Variants in GRM8 observed in about 807,000 individuals in gnomAD.
The protein encoded by GRM8 is metabotropic glutamate receptor 8.
A neutral mutation model predicts 87.2 loss-of-function variants in GRM8; 47 were observed. The ratio of observed to expected loss-of-function variants is 0.54; its 90% CI spans 0.43 to 0.69. GRM8 has a LOEUF of 0.69. Among genes scored for constraint, GRM8 ranks in the 30% least tolerant of loss-of-function variants. GRM8 has a pLI of 0.00. For missense variants in GRM8, 1,019 were observed against 1,139.2 expected (o/e 0.89, Z 1.52); for synonymous variants, 396 against 404.5 (o/e 0.98, Z 0.25).
chr7:127,160,089 T>A (rs895539316), intron 2 of GRM8, among the ~76,000 whole-genome samples: 2 of 152,152 alleles, frequency 1.3e-5, no homozygotes, highest in African/African-American at 4.8e-5. Flanking sequence ...TTAAAGACTA[T>A]TAACATACAT....
chr7:126,758,806 T>C (rs1416599921), intron 7 of GRM8, among the ~76,000 whole-genome samples: 2 of 152,182 alleles, frequency 1.3e-5, no homozygotes, highest in Non-Finnish European at 2.9e-5. Flanking sequence ...TCCAAAAGAC[T>C]GGGAAAATCA....
At chr7:126,780,690 TTA>T (rs1491467744) in intron 6 of GRM8, among the ~76,000 whole-genome samples, 15 of 151,812 alleles carry the variant, frequency 9.9e-5, no homozygotes, top group African/African-American at 3.6e-4. Flanking sequence ...CCAGTGAGGC[TTA>T]GCAGGGGAAG....
At chr7:126,564,628 C>T (rs182996174) in intron 8 of GRM8, among the ~76,000 whole-genome samples, 1 of 152,178 alleles carries the variant, frequency 6.6e-6, no homozygotes, top group Non-Finnish European at 1.5e-5. Context: ...GACCAGATGG[C>T]TTAACTGCTG....
chr7:126,694,727 A>G (rs1809193573), intron 7 of GRM8, among the ~76,000 whole-genome samples: 1 of 152,238 alleles, frequency 6.6e-6, no homozygotes, highest in African/African-American at 2.4e-5. Context: ...AACTAGTTAC[A>G]TTTAATGACG....
At position 126,532,948 on chromosome 7, in the gene GRM8, T is replaced by C. The variant is rs373385097; in HGVS notation, c.2430+4A>G. On this transcript the variant is annotated splice_donor_region_variant and intron_variant, in intron 9 of 10. Transcript: ENST00000339582. Reference sequence around the variant, plus strand: ...AGTTGTCAAGTGTATTTCCTTCTACTTACCTTTTCTGCTGACTGGGCTGTA... The same window carrying C: ...AGTTGTCAAGTGTATTTCCTTCTACCTACCTTTTCTGCTGACTGGGCTGTA... 5.1e-6 allele frequency: 8 copies of C among 1,583,148 alleles called. No homozygotes were observed. Among genetic ancestry groups the C allele is most frequent in the Non-Finnish European group, 6.9e-6 (8 of 1,159,252 alleles).
At chr7:126,737,288 T>A (rs1277266925) in intron 7 of GRM8, among the ~76,000 whole-genome samples, 1 of 151,958 alleles carries the variant, frequency 6.6e-6, no homozygotes, top group Non-Finnish European at 1.5e-5. Context: ...TCTGATCTTG[T>A]GATCTCCACC....
intron 7 of GRM8, among the ~76,000 whole-genome samples, chr7:126,729,442 G>A (rs777433309): frequency 9.9e-5 from 15 of 152,134 alleles, no homozygotes; most frequent in Non-Finnish European, 1.9e-4. Flanking sequence ...AGGCCATGTC[G>A]ATTCCAGAAG....
chr7:126,715,235 G>A (rs1393209558), intron 7 of GRM8, among the ~76,000 whole-genome samples: 2 of 152,152 alleles, frequency 1.3e-5, no homozygotes, highest in Non-Finnish European at 2.9e-5. Context: ...AGATGAAATT[G>A]CTCATGTGGA....
intron 3 of GRM8, among the ~76,000 whole-genome samples, chr7:126,912,122 G>A (rs546702972): frequency 5.3e-5 from 8 of 152,186 alleles, no homozygotes; most frequent in East Asian, 1.9e-4. Flanking sequence ...GCGTGAACCC[G>A]GGAGGCGGAG....
chr7:127,080,336 C>T (rs1425713100), intron 3 of GRM8, among the ~76,000 whole-genome samples: 2 of 152,118 alleles, frequency 1.3e-5, no homozygotes, highest in Non-Finnish European at 2.9e-5. Context: ...AATTAACACA[C>T]CTTAATTACA....
intron 3 of GRM8, chr7:127,058,015 A>C (rs1009394837): frequency 9.3e-6 from 3 of 324,166 alleles, no homozygotes; most frequent in Non-Finnish European, 1.9e-5. Flanking sequence ...CTAAAATCTC[A>C]AGCTTTTAGT....
At chr7:126,801,953 T>C (rs1033725378) in intron 6 of GRM8, among the ~76,000 whole-genome samples, 1 of 152,204 alleles carries the variant, frequency 6.6e-6, no homozygotes, top group Admixed American at 6.5e-5. Flanking sequence ...CCTAATGGTT[T>C]ATTTAACTAA....
intron 8 of GRM8, among the ~76,000 whole-genome samples, chr7:126,577,222 C>T (rs972116073): frequency 1.3e-5 from 2 of 152,316 alleles, no homozygotes; most frequent in Middle Eastern, 3.4e-3. Flanking sequence ...CTCCTTCCTC[C>T]ATCCTGAATG....
chr7:126,637,052 A>T (rs1039771513), intron 7 of GRM8, among the ~76,000 whole-genome samples: 6 of 152,094 alleles, frequency 3.9e-5, no homozygotes, highest in African/African-American at 1.4e-4. Flanking sequence ...GAAAAAAATA[A>T]CACTTTATTG....
intron 3 of GRM8, among the ~76,000 whole-genome samples, chr7:127,088,578 GC>G (rs1488565885): frequency 6.6e-6 from 1 of 152,192 alleles, no homozygotes; most frequent in East Asian, 1.9e-4. Flanking sequence ...GCTCTTTCAT[GC>G]CCTGGGCACT....
At chr7:126,616,487 C>T (rs1457656587) in intron 7 of GRM8, among the ~76,000 whole-genome samples, 2 of 152,066 alleles carry the variant, frequency 1.3e-5, no homozygotes, top group Non-Finnish European at 2.9e-5. Context: ...AGAGCAAACA[C>T]ATTCAAAAGC....
At chr7:126,902,237 CT>C (rs1471855099) in intron 6 of GRM8, among the ~76,000 whole-genome samples, 1 of 152,134 alleles carries the variant, frequency 6.6e-6, no homozygotes, top group African/African-American at 2.4e-5. Flanking sequence ...TCTTATTTGT[CT>C]GTATTCCATC....
chr7:126,683,098 T>C (rs1160975920), intron 7 of GRM8, among the ~76,000 whole-genome samples: 1 of 152,124 alleles, frequency 6.6e-6, no homozygotes, highest in Non-Finnish European at 1.5e-5. Context: ...TGTGGTAGGA[T>C]ATACTGAATA....
intron 6 of GRM8, among the ~76,000 whole-genome samples, chr7:126,841,373 C>A (rs906167810): frequency 3.9e-5 from 6 of 152,080 alleles, no homozygotes; most frequent in Admixed American, 3.9e-4. Context: ...ATGGGCTCAG[C>A]AGGACAATTG....
Sources: gnomAD v4.1 joint callset for allele counts (sites outside exome capture counted in the v4.1 genomes callset) on GRCh38, gnomAD v4.1.1 for gene constraint, MANE v1.5 for transcripts, NCBI Gene and HGNC (gene_info 2026-07-23, HGNC 2026-07-21) for gene names.